The following SCMH1 variants were observed in gnomAD, a reference collection of about 807,000 sequenced individuals.
The protein encoded by SCMH1 is Scm polycomb group protein homolog 1, also known as polycomb protein SCMH1.
In SCMH1, 37 loss-of-function variants were observed where a neutral mutation model predicts 70.8. The observed-to-expected ratio is 0.52, with a 90% CI of 0.40 to 0.69. The LOEUF (loss-of-function observed/expected upper bound fraction) is 0.69. Ranked by LOEUF, SCMH1 falls within the 30% of genes least tolerant of loss-of-function variation. The pLI, the probability that SCMH1 is intolerant of heterozygous loss-of-function variation, is 0.00. For missense variants in SCMH1, 607 were observed against 827.3 expected (o/e 0.73, Z 3.27); for synonymous variants, 292 against 307.4 (o/e 0.95, Z 0.52).
chr1:41,238,796 C>T lies in SCMH1; in HGVS notation c.-118+3263G>A, dbSNP rs1409295471. On this transcript the variant is annotated intron_variant, in intron 1 of 14. Coordinates refer to ENST00000337495, the Ensembl canonical transcript of SCMH1. ...TCCGATATTCCACTTTCTGACCACACCTCTTTTTTTTCTCAGCTTACTTCC... is the reference window on the plus strand; with the variant it reads ...TCCGATATTCCACTTTCTGACCACATCTCTTTTTTTTCTCAGCTTACTTCC... Among the ~76,000 whole-genome samples the T allele has an allele frequency of 3.3e-5, 5 of 152,194 alleles. No individual in the cohort carries two copies. The South Asian group carries it at 8.3e-4, about 25-fold the overall frequency.
chr1:41,189,597 C>A (rs1190762513), intron 1 of SCMH1, among the ~76,000 whole-genome samples: 3 of 152,216 alleles, frequency 2.0e-5, no homozygotes, highest in African/African-American at 7.2e-5. Flanking sequence ...ACTGGCCAAT[C>A]TCTTTCTCAA....
At chr1:41,117,151 T>G (rs1014497392) in intron 6 of SCMH1, 141 bp from the exon 7 acceptor site, 222 of 453,880 alleles carry the variant, frequency 4.9e-4, no homozygotes, top group Non-Finnish European at 1.1e-4. Context: ...AAAATAAGAA[T>G]AGTTATACTA....
At chr1:41,218,185 G>A (rs929039021) in intron 1 of SCMH1, among the ~76,000 whole-genome samples, 4 of 152,140 alleles carry the variant, frequency 2.6e-5, no homozygotes, top group Non-Finnish European at 5.9e-5. Flanking sequence ...TGTTGGGATG[G>A]GGTGGATATA....
rs373229472 is a variant in SCMH1, at chr1:41,089,787, CTTTTTTTTT to C, written c.746-14345_746-14337del. Among the ~76,000 whole-genome samples the C allele has an allele frequency of 4.3e-4, 25 of 58,752 alleles. 1 individual carries two copies. In the South Asian group the frequency reaches 0.023, roughly 54 times the overall value. The allele number at this position is 58,752 out of a possible 152,430, so 38.5% of individuals were successfully genotyped here. A position where few individuals can be genotyped will look rare whatever the true frequency, so the allele number is the denominator to read the frequency against. ...TTATTCCACTCTAACCATGTTGTCT[CTTTTTTTTT>C]TTTTTTTTTTTTTGAGACAGAGTCT... is the stretch of plus-strand genomic sequence containing the variant. On this transcript the variant is annotated intron_variant, in intron 8 of 14. Transcript: ENST00000337495.
At chr1:41,058,506 G>A (rs1388523307) in intron 10 of SCMH1, among the ~76,000 whole-genome samples, 1 of 145,656 alleles carries the variant, frequency 6.9e-6, no homozygotes, top group Non-Finnish European at 1.5e-5. Context: ...TCAGCCTCCT[G>A]AGTTGCTGGG....
chr1:41,047,698 G>T (rs971400483), intron 11 of SCMH1, among the ~76,000 whole-genome samples: 1 of 151,958 alleles, frequency 6.6e-6, no homozygotes, highest in Admixed American at 6.6e-5. Context: ...CACCGCACCT[G>T]GCCAATTCCT....
intron 2 of SCMH1, among the ~76,000 whole-genome samples, chr1:41,182,038 T>A (rs1648930056): frequency 6.6e-6 from 1 of 152,238 alleles, no homozygotes; most frequent in South Asian, 2.1e-4. Context: ...GATGAGTTCA[T>A]GTCCTTTGTA....
At chr1:41,184,619 C>T (rs1004743613) in intron 2 of SCMH1, among the ~76,000 whole-genome samples, 1 of 152,068 alleles carries the variant, frequency 6.6e-6, no homozygotes, top group Non-Finnish European at 1.5e-5. Flanking sequence ...TGATTGGAGG[C>T]ATTCGACAAA....
chr1:41,159,052 A>G (rs918515872), intron 4 of SCMH1, among the ~76,000 whole-genome samples: 1 of 152,224 alleles, frequency 6.6e-6, no homozygotes, highest in Non-Finnish European at 1.5e-5. Context: ...TTTACAAAAA[A>G]TTCAAAATGT....
chr1:41,086,386 A>G (rs1043040670), intron 8 of SCMH1, among the ~76,000 whole-genome samples: 1 of 152,200 alleles, frequency 6.6e-6, no homozygotes, highest in African/African-American at 2.4e-5. Flanking sequence ...TGAAAAATCC[A>G]TATGAAGATA....
chr1:41,226,512 G>A (rs940324296), intron 1 of SCMH1, among the ~76,000 whole-genome samples: 1 of 152,114 alleles, frequency 6.6e-6, no homozygotes, highest in Non-Finnish European at 1.5e-5. Context: ...AGAAAAAGGC[G>A]AAAGTAGTCA....
chr1:41,074,680 C>T (rs972043941), intron 9 of SCMH1, among the ~76,000 whole-genome samples: 20 of 152,294 alleles, frequency 1.3e-4, no homozygotes, highest in African/African-American at 4.6e-4. Flanking sequence ...ATATGAGTGA[C>T]TTTCAAAGTT....
intron 8 of SCMH1, among the ~76,000 whole-genome samples, chr1:41,093,986 C>T (rs561463684): frequency 1.3e-5 from 2 of 152,294 alleles, no homozygotes; most frequent in African/African-American, 2.4e-5. Flanking sequence ...TCTTGTTAGT[C>T]ATTCTTTCAA....
At chr1:41,070,692 T>C in exon 10 of SCMH1, 1 of 1,614,066 alleles carries the variant, frequency 6.2e-7, no homozygotes, top group Non-Finnish European at 8.5e-7. Context: ...GTGAGGCAGG[T>C]GGTGGGTTCA....
At chr1:41,088,126 A>G (rs558412105) in intron 8 of SCMH1, among the ~76,000 whole-genome samples, 4 of 152,276 alleles carry the variant, frequency 2.6e-5, no homozygotes, top group South Asian at 4.1e-4. Context: ...ACTGTTAAGT[A>G]AAAGAAGAAA....
chr1:41,110,548 ATC>A (rs149630096), intron 8 of SCMH1, among the ~76,000 whole-genome samples: 148 of 152,302 alleles, frequency 9.7e-4, no homozygotes, highest in African/African-American at 3.3e-3. Context: ...ATCAATGATT[ATC>A]TTTTGTGACT....
At chr1:41,059,486 A>G (rs2148794797) in intron 10 of SCMH1, among the ~76,000 whole-genome samples, 1 of 152,230 alleles carries the variant, frequency 6.6e-6, no homozygotes, top group African/African-American at 2.4e-5. Context: ...CTCCAGGAAG[A>G]TCATCTTCCC....
At chr1:41,038,957 AT>A (rs1645705289) in intron 12 of SCMH1, among the ~76,000 whole-genome samples, 1 of 152,232 alleles carries the variant, frequency 6.6e-6, no homozygotes, top group Non-Finnish European at 1.5e-5. Flanking sequence ...GGGAAAAATC[AT>A]CCCCTATCAT....
intron 8 of SCMH1, among the ~76,000 whole-genome samples, chr1:41,106,253 G>A (rs1667888279): frequency 6.6e-6 from 1 of 151,720 alleles, no homozygotes; most frequent in South Asian, 2.1e-4. Flanking sequence ...GTTGGAGGTG[G>A]GGCCTGGTGG....
Sources: allele counts gnomAD v4.1 joint callset (sites outside exome capture counted in the v4.1 genomes callset), GRCh38; gene constraint gnomAD v4.1.1; transcripts MANE v1.5; gene names NCBI Gene and HGNC (gene_info 2026-07-23, HGNC 2026-07-21).